The following N4BP2 variants were observed in gnomAD, a reference collection of about 807,000 sequenced individuals.
The protein encoded by N4BP2 is NEDD4-binding protein 2.
In N4BP2, 91 loss-of-function variants were observed where a neutral mutation model predicts 152.8. The observed-to-expected ratio is 0.60, with a 90% CI of 0.50 to 0.71. The LOEUF is 0.71. N4BP2 is among the 30% of genes least tolerant of loss of function. The probability of loss-of-function intolerance (pLI) is 0.00; values close to 1 mark genes in which losing one functional copy is unlikely to be tolerated. For synonymous variants in N4BP2, 646 were observed against 705.3 expected (o/e 0.92, Z 1.33); for missense variants, 1,923 against 2,059.1 (o/e 0.93, Z 1.28).
intron 5 of N4BP2, among the ~76,000 whole-genome samples, chr4:40,111,294 G>T (rs1716854658): frequency 6.6e-6 from 1 of 152,000 alleles, no homozygotes; most frequent in South Asian, 2.1e-4. Flanking sequence ...TTCTACTCAA[G>T]GTCTTTCTCT....
Position 40,121,987 on chromosome 4 carries a change from TA to T in N4BP2, c.3877del (p.Ser1293ValfsTer7). Reference sequence around the variant, plus strand: ...TCTCTGATATTTTTAACTTTGTATCTAGTACTTCAAATCTTGAATTAAATGA... The same window carrying T: ...TCTCTGATATTTTTAACTTTGTATCTGTACTTCAAATCTTGAATTAAATGA... ...HFSDIFNFVS[S>X]TSNLELNEEI... On this transcript the variant is annotated frameshift_variant, in exon 9 of 18. Transcript: ENST00000261435. LOFTEE classifies it high-confidence loss of function. 6.5e-7 allele frequency: 1 copy of T among 1,548,504 alleles called. No individual in the cohort carries two copies. The highest frequency in any genetic ancestry group is 8.7e-7 in the Non-Finnish European group (1 of 1,143,702).
intron 2 of N4BP2, among the ~76,000 whole-genome samples, chr4:40,093,556 G>A (rs945514422): frequency 1.3e-5 from 2 of 151,754 alleles, no homozygotes; most frequent in African/African-American, 4.8e-5. Flanking sequence ...ATAGGTGTGT[G>A]CCACCTTGCG....
At chr4:40,128,845 AT>A (rs68050728) in intron 12 of N4BP2, among the ~76,000 whole-genome samples, 22,079 of 151,506 alleles carry the variant, frequency 0.15, 2,078 homozygotes, top group Admixed American at 0.23. Flanking sequence ...TAAAAAAAAA[AT>A]AAATAAATAA....
At chr4:40,185,820 GTAATAA>G in the N4BP2 span, among the ~76,000 whole-genome samples, 3 of 151,892 alleles carry the variant, frequency 2.0e-5, no homozygotes, top group African/African-American at 7.3e-5. Flanking sequence ...AATAATTTAG[GTAATAA>G]TAATAATAAT....
chr4:40,102,335 T>C lies in N4BP2; in HGVS notation c.490T>C (p.Phe164Leu). 4.3e-6 allele frequency: 7 copies of C among 1,613,554 alleles called. No individual in the cohort carries two copies. The highest frequency in any genetic ancestry group is 5.9e-6 in the Non-Finnish European group (7 of 1,179,814). ...TTCTCCTGATGACCAAGTATACTCA[T>C]TTTTGCCTTCACAAGATGTTAATAG... ...NSSPDDQVYS[F>L]LPSQDVNSFN... Residue 164 changes from phenylalanine to leucine, a missense_variant, in exon 4 of 18, where the codon TTT (phenylalanine) becomes CTT (leucine). By Grantham distance (22) the Phe-to-Leu change is conservative (BLOSUM62 0). Transcript: ENST00000261435.
chr4:40,063,526 G>A (rs1733814514), intron 1 of N4BP2, among the ~76,000 whole-genome samples: 2 of 152,160 alleles, frequency 1.3e-5, no homozygotes, highest in South Asian at 4.1e-4. Context: ...GGATCTGTTA[G>A]CAAAAAGCAG....
intron 2 of N4BP2, among the ~76,000 whole-genome samples, chr4:40,087,745 C>CT (rs908034913): frequency 1.3e-5 from 2 of 151,570 alleles, no homozygotes; most frequent in Admixed American, 6.6e-5. Context: ...TTAGGACTGG[C>CT]TTTTTTTTAG....
At position 40,120,129 on chromosome 4, in the gene N4BP2, A is replaced by G. The variant is rs752025623; in HGVS notation, c.2018A>G (p.Gln673Arg). The part of the protein sequence containing the change: ...KEISDMNPSI[Q>R]SALILETPHM... ...ATAAGTGATATGAATCCTAGCATTC[A>G]AAGTGCTTTAATTCTGGAAACTCCA... The change falls in exon 9 of 18, where the codon CAA (glutamine) becomes CGA (arginine). Residue 673 changes from glutamine to arginine, a missense_variant. By Grantham distance (43) the Gln-to-Arg change is conservative. Coordinates refer to ENST00000261435, the MANE Select transcript of N4BP2 (RefSeq NM_018177.6). 6.2e-7 allele frequency: 1 copy of G among 1,612,422 alleles called. No individual in the cohort carries two copies. Among genetic ancestry groups the G allele is most frequent in the Non-Finnish European group, 8.5e-7 (1 of 1,179,448 alleles).
rs1042691417 is a variant in N4BP2, at chr4:40,118,290, C to T, written c.1820+266C>T. On this transcript the variant is annotated intron_variant, in intron 8 of 17. Transcript: ENST00000261435. The stretch of plus-strand genomic sequence containing the variant: ...AAATTAGCCTGGCTGGTGGCGCATG[C>T]CTGCAATCTCAGCTGCTTGGGAGGC... Among the ~76,000 whole-genome samples, 10 of 152,256 alleles carry T rather than the reference C, an allele frequency of 6.6e-5. No homozygotes were observed. The East Asian group carries it at 1.9e-3, about 29-fold the overall frequency.
Position 40,121,916 on chromosome 4 carries a change from C to A in N4BP2, c.3805C>A (p.Leu1269Ile). The A allele has an allele frequency of 6.3e-7, 1 of 1,592,522 alleles. No individual in the cohort carries two copies. Among genetic ancestry groups the A allele is most frequent in the South Asian group, 1.1e-5 (1 of 88,004 alleles). ...PKDMSETEKN[L>I]VVTETGDNIH... ...AGATATGAGTGAAACAGAAAAAAACCTAGTAGTCACAGAGACTGGAGACAA... is the reference window on the plus strand; with the variant it reads ...AGATATGAGTGAAACAGAAAAAAACATAGTAGTCACAGAGACTGGAGACAA... The change falls in exon 9 of 18, where the codon CTA becomes ATA. Residue 1269 changes from leucine (L) to isoleucine (I), a missense_variant. Transcript: ENST00000261435.
chr4:40,142,470 G>A (rs1016124526), intron 14 of N4BP2: 3 of 514,314 alleles, frequency 5.8e-6, no homozygotes, highest in Non-Finnish European at 7.0e-6. Context: ...GTTAAAGAAA[G>A]GGTAACCTTA....
Position 40,142,859 on chromosome 4 carries a change from C to T in N4BP2, c.4972C>T (p.Gln1658Ter). Residue 1658 changes from glutamine (Q) to a stop codon, truncating the protein, a stop_gained and splice_region_variant, in exon 15 of 18, where the codon CAG becomes TAG. Coordinates refer to ENST00000261435, the MANE Select transcript of N4BP2 (RefSeq NM_018177.6). LOFTEE classifies it high-confidence loss of function. ...KKNVATFYAQ[Q>*]GTLHEQKMKE... ...AAATGTCGCCACCTTTTATGCCCAGCAGGTAAAGTGGAAAACTGATTATAT... is the reference window on the plus strand; with the variant it reads ...AAATGTCGCCACCTTTTATGCCCAGTAGGTAAAGTGGAAAACTGATTATAT... 1 of 1,612,818 alleles carries T rather than the reference C, an allele frequency of 6.2e-7. No individual in the cohort carries two copies. Among genetic ancestry groups the T allele is most frequent in the Non-Finnish European group, 8.5e-7 (1 of 1,179,584 alleles).
At chr4:40,145,978 A>G (rs1205851737) in intron 16 of N4BP2, among the ~76,000 whole-genome samples, 1 of 152,072 alleles carries the variant, frequency 6.6e-6, no homozygotes, top group Non-Finnish European at 1.5e-5. Context: ...CCTGGCCAAC[A>G]TGGTGAAACC....
intron 1 of N4BP2, among the ~76,000 whole-genome samples, chr4:40,058,962 A>G (rs1162246527): frequency 6.6e-6 from 1 of 152,004 alleles, no homozygotes; most frequent in Non-Finnish European, 1.5e-5. Context: ...CTGGGACTAG[A>G]GGCGAAAGCC....
rs781042138 is a variant in N4BP2 at position 40,103,057 on chromosome 4, CACTTCCCCAACAAAAGTA to C, written c.1213_1230del (p.Thr405_Val410del). ...CATTTCCACCCTCAGTTATTTCTCACACTTCCCCAACAAAAGTATGGAGAAATAAAGATGGAACAAGTG... is the reference window on the plus strand; with the variant it reads ...CATTTCCACCCTCAGTTATTTCTCACTGGAGAAATAAAGATGGAACAAGTG... On this transcript the variant is annotated inframe_deletion, in exon 4 of 18. Coordinates refer to ENST00000261435, the MANE Select transcript of N4BP2 (RefSeq NM_018177.6). 1.9e-6 allele frequency: 3 copies of C among 1,614,114 alleles called. No individual in the cohort carries two copies. In the Admixed American group the frequency reaches 5.0e-5, roughly 27 times the overall value.
chr4:40,070,042 C>T (rs917794667), intron 1 of N4BP2, among the ~76,000 whole-genome samples: 4 of 152,128 alleles, frequency 2.6e-5, no homozygotes, highest in Admixed American at 2.6e-4. Context: ...TTGCTTGAAG[C>T]ATGGTACATT....
At chr4:40,088,138 A>T (rs1248804031) in intron 2 of N4BP2, among the ~76,000 whole-genome samples, 1 of 152,124 alleles carries the variant, frequency 6.6e-6, no homozygotes, top group Non-Finnish European at 1.5e-5. Context: ...TTTATTGCTG[A>T]CTAGTATTTC....
rs767714319 is a variant in N4BP2 at position 40,106,967 on chromosome 4, C to G, written c.1441C>G (p.Gln481Glu). The G allele has an allele frequency of 8.7e-6, 14 of 1,612,484 alleles. No homozygotes were observed. Among genetic ancestry groups the G allele is most frequent in the Non-Finnish European group, 1.2e-5 (14 of 1,178,726 alleles). The change falls in exon 5 of 18, where the codon CAG becomes GAG. Residue 481 changes from glutamine to glutamate, a missense_variant. Physicochemically the swap from Gln to Glu is conservative, Grantham distance 29. Coordinates refer to ENST00000261435, the MANE Select transcript of N4BP2 (RefSeq NM_018177.6). ...TGATGATTATTTTTATATAAATGGACAGTACCAGTTTGATGTAAAGTACTT... is the reference window on the plus strand; with the variant it reads ...TGATGATTATTTTTATATAAATGGAGAGTACCAGTTTGATGTAAAGTACTT... Reference protein sequence around the residue: ...STDDYFYINGQYQFDVKYLGE... With the variant: ...STDDYFYINGEYQFDVKYLGE...
chr4:40,143,155 C>A (rs2110035468), intron 15 of N4BP2, among the ~76,000 whole-genome samples: 1 of 152,122 alleles, frequency 6.6e-6, no homozygotes, highest in East Asian at 1.9e-4. Flanking sequence ...TAATATTGGC[C>A]ATCTGAGAGT....
Sources: allele counts gnomAD v4.1 joint callset (sites outside exome capture counted in the v4.1 genomes callset), GRCh38; gene constraint gnomAD v4.1.1; transcripts MANE v1.5; gene names NCBI Gene and HGNC (gene_info 2026-07-23, HGNC 2026-07-21).